Variants in CCHCR1 observed in about 807,000 individuals in gnomAD.
CCHCR1 encodes the protein HCR (a-helix coiled-coil rod homologue).
CCHCR1 carries 91 observed loss-of-function variants against 114.6 expected under a neutral mutation model. The ratio of observed to expected loss-of-function variants is 0.79; its 90% CI spans 0.67 to 0.94. CCHCR1 has a LOEUF of 0.94. Ranked by LOEUF, CCHCR1 falls within the 40% of genes least tolerant of loss-of-function variation. The pLI is 0.00. For synonymous variants in CCHCR1, 379 were observed against 428.5 expected (o/e 0.88, Z 1.43); for missense variants, 899 against 1,079.9 (o/e 0.83, Z 2.35).
At chr6:31,148,842 GGGGAGGGGGGGCGGGCGACGGGGGT>G in intron 8 of CCHCR1, 114 bp from the exon 9 acceptor site, 1 of 554,978 alleles carries the variant, frequency 1.8e-6, no homozygotes, top group Non-Finnish European at 3.3e-6. Context: ...CAGGGGCTGG[GGGGAGGGGGGGCGGGCGACGGGGGT>G]GGGTTGCAGC....
At position 31,145,274 on chromosome 6, in the gene CCHCR1, C is replaced by T; in HGVS notation, c.1768G>A (p.Val590Met). 4 of 1,614,076 alleles carry T rather than the reference C, an allele frequency of 2.5e-6. No homozygotes were observed. Among genetic ancestry groups the T allele is most frequent in the Non-Finnish European group, 2.5e-6 (3 of 1,179,986 alleles). ...SCPLPPPVTD[V>M]SLELQQLREE... is the part of the protein sequence containing the mutation. Reference sequence around the variant, plus strand: ...CGCAACTGCTGCAACTCAAGGCTCACGTCTGTGACCGGTGGTGGTAGGGGA... The same window carrying T: ...CGCAACTGCTGCAACTCAAGGCTCATGTCTGTGACCGGTGGTGGTAGGGGA... The change falls in exon 13 of 18, where the codon GTG becomes ATG. Residue 590 changes from valine to methionine, a missense_variant. By Grantham distance (21) the Val-to-Met change is conservative. Transcript: ENST00000396268.
rs1776228977 is a variant in CCHCR1 at position 31,157,520 on chromosome 6, A to C, written c.81T>G (p.Cys27Trp). ...CAAGGCCTGAGGGAAGCCCATCCAG[A>C]CACCAGCAGGCCATGACTCTTGGGT... ...GKDPRVMACW[C>W]LDGLPSGLAE... The change falls in exon 1 of 18, where the codon TGT (cysteine) becomes TGG (tryptophan). Residue 27 changes from cysteine (C) to tryptophan (W), a missense_variant. Transcript: ENST00000396268. The C allele has an allele frequency of 6.2e-7, 1 of 1,612,866 alleles. No individual in the cohort carries two copies. Among genetic ancestry groups the C allele is most frequent in the Non-Finnish European group, 8.5e-7 (1 of 1,180,022 alleles).
In CCHCR1 at chr6:31,150,974, A is replaced by G. The variant is rs1465393091; in HGVS notation, c.950T>C (p.Leu317Pro). Residue 317 changes from leucine to proline, a missense_variant, in exon 5 of 18, where the codon CTT becomes CCT. Transcript: ENST00000396268. This position sits in a 1 kb window ranked among gnomAD's most constrained non-coding sequence, Gnocchi z 5.3. ...LAEAQREAEL[L>P]RKQLSKTQED... ...GCCCACCTACCTCAGCTGCTTCCGA[A>G]GCAGCTCGGCCTCCCTCTGAGCCTC... The G allele has an allele frequency of 3.1e-6, 5 of 1,612,844 alleles. No homozygotes were observed. The South Asian group carries it at 4.4e-5, about 14-fold the overall frequency.
Position 31,150,585 on chromosome 6 carries a change from G to A in CCHCR1, c.1102-20C>T. 1 of 1,604,746 alleles carries A rather than the reference G, an allele frequency of 6.2e-7. No individual in the cohort carries two copies. The highest frequency in any genetic ancestry group is 1.1e-5 in the South Asian group (1 of 90,578). On this transcript the variant is annotated intron_variant, in intron 6 of 17. Transcript: ENST00000396268. The surrounding 1 kb of genome is among the most constrained non-coding windows in gnomAD (Gnocchi z 5.3). ...CAAGTGCTGCGGGCAGAGGAAAGCA[G>A]CCCCTCTGTAGGGCCTCCATGCCGC...
chr6:31,156,450 A>G (rs575185145), intron 3 of CCHCR1: 1 of 478,994 alleles, frequency 2.1e-6, no homozygotes, highest in East Asian at 4.1e-5. Flanking sequence ...GCCTCATACC[A>G]TGCTTTACCA....
Position 31,148,639 on chromosome 6 carries a change from C to G in CCHCR1, c.1452G>C (p.Glu484Asp), listed in dbSNP as rs751779850. Residue 484 changes from glutamate (E) to aspartate (D), a missense_variant, in exon 9 of 18, where the codon GAG (glutamate) becomes GAC (aspartate). Glu to Asp is a conservative substitution (Grantham distance 45). Coordinates refer to ENST00000396268, the MANE Select transcript of CCHCR1 (RefSeq NM_001105564.2). ...RSLQDKAAEV[E>D]VERMGAKGLQ... is the part of the protein sequence containing the mutation. Reference sequence around the variant, plus strand: ...CAACCTTGGCACCCATACGCTCCACCTCCACCTCTGCGGCTTTGTCCTGCA... The same window carrying G: ...CAACCTTGGCACCCATACGCTCCACGTCCACCTCTGCGGCTTTGTCCTGCA... The G allele has an allele frequency of 2.5e-6, 4 of 1,612,696 alleles. No individual in the cohort carries two copies. The South Asian group carries it at 4.4e-5, about 18-fold the overall frequency.
chr6:31,157,596 C>T lies in CCHCR1; in HGVS notation c.5G>A (p.Trp2Ter), dbSNP rs1776249739. 1 of 1,609,834 alleles carries T rather than the reference C, an allele frequency of 6.2e-7. No individual in the cohort carries two copies. Among genetic ancestry groups the T allele is most frequent in the South Asian group, 1.1e-5 (1 of 90,574 alleles). Reference sequence around the variant, plus strand: ...AGGCCTGGCCCCAGCTGAATGTGGCCACATGCAGGGCTAGACCCTCCCCAA... The same window carrying T: ...AGGCCTGGCCCCAGCTGAATGTGGCTACATGCAGGGCTAGACCCTCCCCAA... M[W>*]PHSAGARPWA... The change falls in exon 1 of 18, where the codon TGG (tryptophan) becomes TAG (stop). Residue 2 changes from tryptophan to a stop codon, truncating the protein, a stop_gained. Transcript: ENST00000396268. LOFTEE classifies it high-confidence loss of function.
rs1561811282 is a variant in CCHCR1 at position 31,150,428 on chromosome 6, GT to G, written c.1212+26del. ...CAGTAGATGCAGGATGCGGCTGAGG[GT>G]GAGGGGTCTGGGGGTTGGGCTGTAC... On this transcript the variant is annotated intron_variant, in intron 7 of 17. Coordinates refer to ENST00000396268, the MANE Select transcript of CCHCR1 (RefSeq NM_001105564.2). The surrounding 1 kb of genome is among the most constrained non-coding windows in gnomAD (Gnocchi z 5.3). 6.3e-7 allele frequency: 1 copy of G among 1,579,912 alleles called. No homozygotes were observed. Among genetic ancestry groups the G allele is most frequent in the South Asian group, 1.1e-5 (1 of 89,696 alleles).
chr6:31,145,948 G>T, intron 10 of CCHCR1, 140 bp from the exon 11 acceptor site: 1 of 614,410 alleles, frequency 1.6e-6, no homozygotes, highest in Non-Finnish European at 2.9e-6. Flanking sequence ...TTATCTAAAG[G>T]ACCCTTGCCC....
rs1252865117 is a variant in CCHCR1 at position 31,145,258 on chromosome 6, T to A, written c.1784A>T (p.Gln595Leu). ...GCGGTTCCGTTCTTCCCGCAACTGC[T>A]GCAACTCAAGGCTCACGTCTGTGAC... is the stretch of plus-strand genomic sequence containing the variant. ...PPVTDVSLEL[Q>L]QLREERNRLD... The change falls in exon 13 of 18, where the codon CAG (glutamine) becomes CTG (leucine). Residue 595 changes from glutamine to leucine, a missense_variant. Coordinates refer to ENST00000396268, the MANE Select transcript of CCHCR1 (RefSeq NM_001105564.2). 2.5e-6 allele frequency: 4 copies of A among 1,613,944 alleles called. No individual in the cohort carries two copies. In the South Asian group the frequency reaches 3.3e-5, roughly 13 times the overall value.
intron 10 of CCHCR1, 84 bp downstream of exon 10, chr6:31,148,321 T>C: frequency 1.2e-6 from 1 of 839,084 alleles, no homozygotes; most frequent in Non-Finnish European, 2.0e-6. Flanking sequence ...CCAGCCCCTC[T>C]TGCCTGAGGA....
At position 31,142,516 on chromosome 6, in the gene CCHCR1, G is replaced by T. The variant is rs1773681752; in HGVS notation, c.*76C>A. ...CCCAGGGCAACCCCAGGATGGGGAAGGGCTGGTCTGTCCCCACCCACTTCT... is the reference window on the plus strand; with the variant it reads ...CCCAGGGCAACCCCAGGATGGGGAATGGCTGGTCTGTCCCCACCCACTTCT... On this transcript the variant is annotated 3_prime_UTR_variant, in exon 18 of 18. Coordinates refer to ENST00000396268, the MANE Select transcript of CCHCR1 (RefSeq NM_001105564.2). 63 of 1,439,252 alleles carry T rather than the reference G, an allele frequency of 4.4e-5. 1 individual carries two copies. The South Asian group carries it at 7.6e-4, about 17-fold the overall frequency. The allele number at this position is 1,439,252 out of a possible 1,614,324, so 89.2% of individuals were successfully genotyped here.
rs1196847973 is a variant in CCHCR1, at chr6:31,150,961, C to T, written c.963G>A (p.Leu321=). Residue 321 remains leucine, a splice_region_variant and synonymous_variant, in exon 5 of 18, where the codon CTG becomes CTA. Coordinates refer to ENST00000396268, the MANE Select transcript of CCHCR1 (RefSeq NM_001105564.2). The surrounding 1 kb of genome is among the most constrained non-coding windows in gnomAD (Gnocchi z 5.3). ...QREAELLRKQ[L]SKTQEDLEAQ... ...CCCGTCGGCGTCCGCCCACCTACCT[C>T]AGCTGCTTCCGAAGCAGCTCGGCCT... The T allele has an allele frequency of 1.9e-6, 3 of 1,612,636 alleles. No individual in the cohort carries two copies. The highest frequency in any genetic ancestry group is 2.5e-6 in the Non-Finnish European group (3 of 1,179,958).
In CCHCR1 at chr6:31,150,205, G is replaced by T; in HGVS notation, c.1223C>A (p.Ser408Ter). ...EEELTRKVQPSDSLEPEFTRK... is the reference protein window; with the variant it reads ...EEELTRKVQP ...GGTAAACTCAGGCTCCAGGGAATCT[G>T]AAGGTTGAACCTGAGGGAGAAGGAG... The change falls in exon 8 of 18, where the codon TCA becomes TAA. Residue 408 changes from serine to a stop codon, truncating the protein, a stop_gained. Coordinates refer to ENST00000396268, the MANE Select transcript of CCHCR1 (RefSeq NM_001105564.2). LOFTEE classifies it high-confidence loss of function. This position sits in a 1 kb window ranked among gnomAD's most constrained non-coding sequence, Gnocchi z 5.3. The T allele has an allele frequency of 6.2e-7, 1 of 1,614,158 alleles. No homozygotes were observed. Among genetic ancestry groups the T allele is most frequent in the Non-Finnish European group, 8.5e-7 (1 of 1,180,008 alleles).
chr6:31,144,875 C>T lies in CCHCR1; in HGVS notation c.2065+10G>A, dbSNP rs767436631. 26 of 1,613,200 alleles carry T rather than the reference C, an allele frequency of 1.6e-5. No homozygotes were observed. Among genetic ancestry groups the T allele is most frequent in the African/African-American group, 1.3e-4 (10 of 74,920 alleles). ...CCCTCCAAGGGAAGCACCCATTTCC[C>T]TCTCGACACCTTGCCCGTAGAGTTC... is the stretch of plus-strand genomic sequence containing the variant. On this transcript the variant is annotated intron_variant, in intron 14 of 17. Transcript: ENST00000396268. This position sits in a 1 kb window ranked among gnomAD's most constrained non-coding sequence, Gnocchi z 4.6.
At chr6:31,147,455 G>GTTA (rs1390267833) in intron 10 of CCHCR1, among the ~76,000 whole-genome samples, 6 of 150,660 alleles carry the variant, frequency 4.0e-5, no homozygotes, top group Non-Finnish European at 5.9e-5. Context: ...CAGTGTCTAA[G>GTTA]GCTGAGGGGA....
chr6:31,145,829 T>C (rs1416599188), intron 10 of CCHCR1, 21 bp from the exon 11 acceptor site: 2 of 1,418,562 alleles, frequency 1.4e-6, no homozygotes, highest in East Asian at 4.5e-5. Context: ...CACAAGTCAC[T>C]GATCCTCCAT....
At position 31,145,148 on chromosome 6, in the gene CCHCR1, C is replaced by G; in HGVS notation, c.1876+18G>C. On this transcript the variant is annotated intron_variant, in intron 13 of 17. Transcript: ENST00000396268. The stretch of plus-strand genomic sequence containing the variant: ...GGGTTTTTCCTCATCCTCTCCACCC[C>G]CTGGCAACCAGGTGTACCTTGCTCC... 2.5e-6 allele frequency: 4 copies of G among 1,610,822 alleles called. No individual in the cohort carries two copies. The highest frequency in any genetic ancestry group is 1.3e-5 in the African/African-American group (1 of 74,938).
Position 31,157,776 on chromosome 6 carries a change from C to T in CCHCR1, c.-176G>A, listed in dbSNP as rs1043263294. On this transcript the variant is annotated 5_prime_UTR_variant, in exon 1 of 18. Coordinates refer to ENST00000396268, the MANE Select transcript of CCHCR1 (RefSeq NM_001105564.2). ...CCGCCTCCTCTTTCTCGAGTCCTAA[C>T]ACATAGTGGGCACTTTAAGATCTTC... is the stretch of plus-strand genomic sequence containing the variant. The T allele has an allele frequency of 1.2e-5, 7 of 606,852 alleles. No individual in the cohort carries two copies. In the Admixed American group the frequency reaches 2.0e-4, roughly 18 times the overall value. The allele number at this position is 606,852 out of a possible 1,614,324, so 37.6% of individuals were successfully genotyped here.
Sources: allele counts gnomAD v4.1 joint callset (sites outside exome capture counted in the v4.1 genomes callset), GRCh38; gene constraint gnomAD v4.1.1; non-coding constraint Gnocchi (gnomAD v3.1); transcripts MANE v1.5; gene names NCBI Gene and HGNC (gene_info 2026-07-23, HGNC 2026-07-21).